CPNE4: variants seen among roughly 807,000 people sequenced by gnomAD.
CPNE4 encodes copine 4.
A neutral mutation model predicts 67.9 loss-of-function variants in CPNE4; 25 were observed. The ratio of observed to expected loss-of-function variants is 0.37; its 90% CI spans 0.27 to 0.51. The LOEUF (loss-of-function observed/expected upper bound fraction) is 0.51, where lower values mean the gene tolerates loss of function less well. Among genes scored for constraint, CPNE4 ranks in the 20% least tolerant of loss-of-function variants. The pLI, the probability that CPNE4 is intolerant of heterozygous loss-of-function variation, is 0.93. For synonymous variants in CPNE4, 242 were observed against 244.9 expected, an observed-to-expected ratio of 0.99 and a Z score of 0.11; for missense variants, 464 against 690.8, an observed-to-expected ratio of 0.67 and a Z score of 3.68.
chr3:131,866,847 A>G (rs1321431534), intron 2 of CPNE4, among the ~76,000 whole-genome samples: 3 of 152,252 alleles, frequency 2.0e-5, no homozygotes, highest in African/African-American at 7.2e-5. Flanking sequence ...GCGAATTAAT[A>G]AAGTCTGCCA....
At chr3:131,792,754 TACACAC>T (rs781127455) in intron 2 of CPNE4, among the ~76,000 whole-genome samples, 2 of 113,978 alleles carry the variant, frequency 1.8e-5, no homozygotes, top group Non-Finnish European at 3.9e-5. Flanking sequence ...TGTATATATA[TACACAC>T]ACTATATATG....
chr3:131,833,739 G>T (rs2085460820), intron 2 of CPNE4, among the ~76,000 whole-genome samples: 1 of 152,132 alleles, frequency 6.6e-6, no homozygotes, highest in South Asian at 2.1e-4. Context: ...ACTTGCTCAA[G>T]GACAATTCCT....
chr3:131,553,384 A>G (rs1346429866), intron 12 of CPNE4, among the ~76,000 whole-genome samples: 1 of 152,056 alleles, frequency 6.6e-6, no homozygotes, highest in Non-Finnish European at 1.5e-5. Context: ...AGCTGACTTC[A>G]GTCATCTTAT....
At chr3:131,885,229 T>A (rs1013434888) in intron 2 of CPNE4, among the ~76,000 whole-genome samples, 2 of 152,166 alleles carry the variant, frequency 1.3e-5, no homozygotes, top group African/African-American at 4.8e-5. Flanking sequence ...AAGTGACTCC[T>A]GTTATGTTTT....
At chr3:131,696,343 T>G (rs2081157113) in intron 5 of CPNE4, among the ~76,000 whole-genome samples, 199 bp downstream of exon 5, 1 of 152,230 alleles carries the variant, frequency 6.6e-6, no homozygotes, top group Non-Finnish European at 1.5e-5. Flanking sequence ...AGAATTGTCT[T>G]GTTTTAATTA....
chr3:131,636,782 C>A (rs1582934053), intron 7 of CPNE4, among the ~76,000 whole-genome samples: 1 of 152,198 alleles, frequency 6.6e-6, no homozygotes, highest in Non-Finnish European at 1.5e-5. Context: ...CTGATAGAGT[C>A]CACTTCTCTC....
chr3:131,932,715 G>C (rs367568594), intron 1 of CPNE4, among the ~76,000 whole-genome samples: 4 of 151,954 alleles, frequency 2.6e-5, no homozygotes, highest in East Asian at 1.9e-4. Flanking sequence ...ATCATCTGAG[G>C]TCAGGAGTTC....
At chr3:131,923,556 T>C (rs1264332059) in intron 1 of CPNE4, among the ~76,000 whole-genome samples, 3 of 151,244 alleles carry the variant, frequency 2.0e-5, no homozygotes, top group African/African-American at 7.3e-5. Flanking sequence ...AATACAAAAA[T>C]TAGCTGGGCA....
chr3:131,562,399 A>G (rs1178386132), intron 11 of CPNE4, among the ~76,000 whole-genome samples: 1 of 151,978 alleles, frequency 6.6e-6, no homozygotes, highest in Admixed American at 6.6e-5. Flanking sequence ...TCTGTTTGTA[A>G]TTTATTATGA....
chr3:131,665,304 T>C (rs2080229751), intron 7 of CPNE4, among the ~76,000 whole-genome samples: 1 of 152,012 alleles, frequency 6.6e-6, no homozygotes, highest in Non-Finnish European at 1.5e-5. Flanking sequence ...ATCTATCACA[T>C]TGAGGGTATT....
At chr3:131,842,642 G>A (rs753574819) in intron 2 of CPNE4, among the ~76,000 whole-genome samples, 2 of 151,022 alleles carry the variant, frequency 1.3e-5, no homozygotes, top group Non-Finnish European at 2.9e-5. Flanking sequence ...CAGTGAATTG[G>A]AAGTGACAGT....
intron 7 of CPNE4, among the ~76,000 whole-genome samples, chr3:131,634,686 G>A (rs185821065): frequency 1.3e-5 from 2 of 152,130 alleles, no homozygotes; most frequent in African/African-American, 4.8e-5. Context: ...CTGGAAAGGA[G>A]ATGAGAGGAT....
intron 3 of CPNE4, among the ~76,000 whole-genome samples, chr3:131,721,517 T>C (rs1401480966): frequency 6.6e-6 from 1 of 150,990 alleles, no homozygotes; most frequent in Non-Finnish European, 1.5e-5. Flanking sequence ...TGCCTCAGCC[T>C]CACGAGTAGC....
At chr3:131,791,545 T>C (rs1040674297) in intron 2 of CPNE4, among the ~76,000 whole-genome samples, 2 of 152,176 alleles carry the variant, frequency 1.3e-5, no homozygotes, top group Non-Finnish European at 2.9e-5. Context: ...AACCACAGGG[T>C]TTACTGTCAT....
intron 2 of CPNE4, among the ~76,000 whole-genome samples, chr3:131,819,117 A>G (rs1583261975): frequency 6.6e-6 from 1 of 152,116 alleles, no homozygotes; most frequent in East Asian, 1.9e-4. Context: ...AAAAACACAA[A>G]CAAACCAGGC....
chr3:131,983,412 C>T (rs369003893), intron 1 of CPNE4, among the ~76,000 whole-genome samples: 148 of 152,162 alleles, frequency 9.7e-4, no homozygotes, highest in African/African-American at 3.2e-3. Flanking sequence ...TTCCTTGCTA[C>T]GACGTGGAGC....
chr3:131,883,290 C>G (rs1277125243), intron 2 of CPNE4, among the ~76,000 whole-genome samples: 2 of 152,170 alleles, frequency 1.3e-5, no homozygotes, highest in Non-Finnish European at 2.9e-5. Flanking sequence ...TCATCATTCA[C>G]CCAATTGCTC....
chr3:131,726,899 T>C (rs1375854094), intron 2 of CPNE4, among the ~76,000 whole-genome samples: 3 of 152,192 alleles, frequency 2.0e-5, no homozygotes, highest in Middle Eastern at 3.2e-3. Flanking sequence ...CATGCTCTTG[T>C]GTGAGGTCAA....
intron 2 of CPNE4, among the ~76,000 whole-genome samples, chr3:131,856,423 C>T (rs894240621): frequency 1.3e-5 from 2 of 151,772 alleles, no homozygotes; most frequent in Non-Finnish European, 2.9e-5. Context: ...ATACTCACTC[C>T]GTCAAAGTTC....
Sources: gnomAD v4.1 joint callset for allele counts (sites outside exome capture counted in the v4.1 genomes callset) on GRCh38, gnomAD v4.1.1 for gene constraint, MANE v1.5 for transcripts, NCBI Gene and HGNC (gene_info 2026-07-23, HGNC 2026-07-21) for gene names.